Variants in UNC79 observed in about 807,000 individuals in gnomAD.
UNC79 encodes the protein protein unc-79 homolog.
A neutral mutation model predicts 283.1 loss-of-function variants in UNC79; 37 were observed. The observed-to-expected ratio is 0.13, with a 90% CI of 0.10 to 0.17. UNC79 has a LOEUF of 0.17. Among genes scored for constraint, UNC79 ranks in the 10% least tolerant of loss-of-function variants. The pLI, the probability that UNC79 is intolerant of heterozygous loss-of-function variation, is 1.00. For missense variants in UNC79, 2,272 were observed against 3,211.1 expected (o/e 0.71, Z 7.07); for synonymous variants, 1,107 against 1,200.2 (o/e 0.92, Z 1.61).
At chr14:93,511,526 C>A (rs2059824199) in intron 7 of UNC79, among the ~76,000 whole-genome samples, 1 of 152,290 alleles carries the variant, frequency 6.6e-6, no homozygotes, top group South Asian at 2.1e-4. Flanking sequence ...CGGCTCACTG[C>A]AGCCTCTGCC....
chr14:93,417,708 G>GC (rs1272638413), intron 1 of UNC79, among the ~76,000 whole-genome samples: 1 of 152,104 alleles, frequency 6.6e-6, no homozygotes, highest in Non-Finnish European at 1.5e-5. Flanking sequence ...TTTCTTGGAG[G>GC]CTTTGTTCAT....
intron 1 of UNC79, among the ~76,000 whole-genome samples, chr14:93,384,317 C>T (rs1357507591): frequency 6.6e-6 from 1 of 152,228 alleles, no homozygotes; most frequent in African/African-American, 2.4e-5. Flanking sequence ...TTCCCACCAA[C>T]AGTGTACAAG....
chr14:93,642,934 C>T (rs889686447), intron 33 of UNC79, among the ~76,000 whole-genome samples: 4 of 152,112 alleles, frequency 2.6e-5, no homozygotes, highest in Non-Finnish European at 4.4e-5. Context: ...CTACAAAGAG[C>T]GGTAGGTTGG....
chr14:93,513,154 T>C (rs1392826495), intron 7 of UNC79, among the ~76,000 whole-genome samples: 1 of 151,574 alleles, frequency 6.6e-6, no homozygotes, highest in Non-Finnish European at 1.5e-5. Context: ...CTTGTACATA[T>C]TTTTGTTTTT....
At chr14:93,631,429 A>G (rs935215289) in intron 31 of UNC79, among the ~76,000 whole-genome samples, 3 of 152,212 alleles carry the variant, frequency 2.0e-5, no homozygotes, top group African/African-American at 7.2e-5. Context: ...CAGGACCTGT[A>G]GGAGGCGAGT....
chr14:93,603,385 C>T, exon 26 of UNC79: 2 of 1,614,138 alleles, frequency 1.2e-6, no homozygotes, highest in Non-Finnish European at 1.7e-6. Context: ...CAAGAGGGCG[C>T]TCTCCCTCCC....
At chr14:93,692,221 C>T (rs974703218) in intron 46 of UNC79, among the ~76,000 whole-genome samples, 6 of 151,958 alleles carry the variant, frequency 3.9e-5, no homozygotes, top group African/African-American at 7.3e-5. Context: ...AAAATTGCTA[C>T]GAGGAGATTT....
chr14:93,595,935 A>G (rs572417458), intron 23 of UNC79, among the ~76,000 whole-genome samples: 1 of 152,214 alleles, frequency 6.6e-6, no homozygotes, highest in East Asian at 1.9e-4. Flanking sequence ...TGTGCTTAAT[A>G]TATATATATT....
intron 26 of UNC79, among the ~76,000 whole-genome samples, chr14:93,605,193 A>G (rs1269879958): frequency 1.3e-5 from 2 of 152,150 alleles, no homozygotes; most frequent in Non-Finnish European, 2.9e-5. Flanking sequence ...AAGAAGCATC[A>G]TATCACCTGA....
chr14:93,551,532 C>T (rs1344043591), intron 14 of UNC79, among the ~76,000 whole-genome samples: 1 of 152,134 alleles, frequency 6.6e-6, no homozygotes, highest in African/African-American at 2.4e-5. Context: ...ATCAGTTGTT[C>T]AGCATTCCTT....
chr14:93,682,766 G>C (rs2073944749), intron 42 of UNC79, 72 bp downstream of exon 45: 5 of 1,477,926 alleles, frequency 3.4e-6, no homozygotes, highest in Non-Finnish European at 4.7e-6. Flanking sequence ...GTAGGCTTTA[G>C]ACTTACATCA....
chr14:93,650,073 A>G (rs2070079677), intron 35 of UNC79, among the ~76,000 whole-genome samples: 1 of 152,108 alleles, frequency 6.6e-6, no homozygotes, highest in Non-Finnish European at 1.5e-5. Flanking sequence ...ATCCTACTGT[A>G]TGCACTCTTT....
At chr14:93,366,717 C>T (rs58068126) in intron 1 of UNC79, among the ~76,000 whole-genome samples, 1,887 of 151,708 alleles carry the variant, frequency 0.012, 41 homozygotes, top group African/African-American at 0.043. Flanking sequence ...GGATCATAGG[C>T]GCGCAACACC....
intron 31 of UNC79, among the ~76,000 whole-genome samples, chr14:93,631,359 C>T (rs866641994): frequency 1.3e-5 from 2 of 152,194 alleles, no homozygotes; most frequent in Middle Eastern, 3.4e-3. Flanking sequence ...ATCATATTCC[C>T]AAAGTCATGA....
chr14:93,645,034 C>T (rs1369424849), intron 34 of UNC79, among the ~76,000 whole-genome samples: 1 of 152,160 alleles, frequency 6.6e-6, no homozygotes, highest in African/African-American at 2.4e-5. Context: ...TAAATGTTGT[C>T]AGCTATCAGC....
chr14:93,691,904 G>A, exon 46 of UNC79: 1 of 1,614,164 alleles, frequency 6.2e-7, no homozygotes, highest in South Asian at 1.1e-5. Context: ...TTTGGAGTAG[G>A]GTGACACCCA....
At chr14:93,555,956 A>G (rs2062150328) in intron 14 of UNC79, among the ~76,000 whole-genome samples, 1 of 152,156 alleles carries the variant, frequency 6.6e-6, no homozygotes, top group South Asian at 2.1e-4. Flanking sequence ...TAAGTTTTTA[A>G]ATTGGGTTCA....
chr14:93,507,487 T>A (rs1439414221), intron 7 of UNC79, among the ~76,000 whole-genome samples: 1 of 152,198 alleles, frequency 6.6e-6, no homozygotes, highest in Non-Finnish European at 1.5e-5. Context: ...AGCACATTTT[T>A]ATATAATTAT....
At chr14:93,401,099 T>A (rs1433346672) in intron 1 of UNC79, among the ~76,000 whole-genome samples, 1 of 152,166 alleles carries the variant, frequency 6.6e-6, no homozygotes, top group African/African-American at 2.4e-5. Flanking sequence ...GATATAGACA[T>A]CTATTAAACA....
Sources: allele counts gnomAD v4.1 joint callset (sites outside exome capture counted in the v4.1 genomes callset), GRCh38; gene constraint gnomAD v4.1.1; transcripts MANE v1.5; gene names NCBI Gene and HGNC (gene_info 2026-07-23, HGNC 2026-07-21).